SRC: variants seen among roughly 807,000 people sequenced by gnomAD.
The protein encoded by SRC is proto-oncogene tyrosine-protein kinase Src.
In SRC, 13 loss-of-function variants were observed where a neutral mutation model predicts 62.9. The ratio of observed to expected loss-of-function variants is 0.21; its 90% CI spans 0.13 to 0.33. The LOEUF is 0.33. Among genes scored for constraint, SRC ranks in the 10% least tolerant of loss-of-function variants. SRC has a pLI of 1.00. For missense variants in SRC, 457 were observed against 737.3 expected (o/e 0.62, Z 4.40); for synonymous variants, 302 against 317.5 (o/e 0.95, Z 0.52).
At chr20:37,392,871 C>T (rs1170448538) in intron 5 of SRC, among the ~76,000 whole-genome samples, 1 of 152,102 alleles carries the variant, frequency 6.6e-6, no homozygotes, top group Non-Finnish European at 1.5e-5. Flanking sequence ...CCGCTCTCTC[C>T]CCTGCTCTTT....
chr20:37,395,322 C>T (rs1007942316), intron 7 of SRC, among the ~76,000 whole-genome samples: 11 of 152,350 alleles, frequency 7.2e-5, no homozygotes, highest in South Asian at 6.2e-4. Flanking sequence ...GATGGCTGGG[C>T]TTCCCCCATG....
intron 2 of SRC, among the ~76,000 whole-genome samples, chr20:37,367,174 AC>A (rs2070076665): frequency 6.7e-6 from 1 of 150,196 alleles, no homozygotes; most frequent in Non-Finnish European, 1.5e-5. Context: ...TTGGGCTCTA[AC>A]AATCCTCTCA....
Position 37,389,846 on chromosome 20 carries a change from C to T in SRC, c.350+3672C>T, listed in dbSNP as rs371372677. The stretch of plus-strand genomic sequence containing the variant: ...AATCATGGCTCTGGGACTCTTGGCC[C>T]TTCTTCTAGCCATGGGTGGGAAGGC... On this transcript the variant is annotated intron_variant, in intron 5 of 13. Transcript: ENST00000373578. Among the ~76,000 whole-genome samples, 34 of 152,286 alleles carry T rather than the reference C, an allele frequency of 2.2e-4. 1 individual carries two copies. In the East Asian group the frequency reaches 4.8e-3, roughly 22 times the overall value.
intron 1 of SRC, among the ~76,000 whole-genome samples, chr20:37,352,685 C>A (rs1345596002): frequency 6.6e-6 from 1 of 152,200 alleles, no homozygotes; most frequent in Non-Finnish European, 1.5e-5. Context: ...TTTTGGGAGG[C>A]AGCTGAAGCT....
At position 37,402,721 on chromosome 20, in the gene SRC, G is replaced by A. The variant is rs1354066830; in HGVS notation, c.1271-28G>A. On this transcript the variant is annotated intron_variant, in intron 12 of 13. Coordinates refer to ENST00000373578, the MANE Select transcript of SRC (RefSeq NM_198291.3). This position sits in a 1 kb window ranked among gnomAD's most constrained non-coding sequence, Gnocchi z 6.2. ...AGAGCGGTCATGACAGGAGGTCAGAGCTGCCCTGACCTTTCTCGTTCCTGC... is the reference window on the plus strand; with the variant it reads ...AGAGCGGTCATGACAGGAGGTCAGAACTGCCCTGACCTTTCTCGTTCCTGC... The A allele has an allele frequency of 1.5e-5, 24 of 1,598,868 alleles. No individual in the cohort carries two copies. Among genetic ancestry groups the A allele is most frequent in the Non-Finnish European group, 1.9e-5 (22 of 1,171,666 alleles).
intron 2 of SRC, among the ~76,000 whole-genome samples, chr20:37,370,987 CTTCT>C (rs758512882): frequency 2.2e-5 from 2 of 91,300 alleles, no homozygotes; most frequent in East Asian, 5.8e-4. Context: ...TCTTCTTCTT[CTTCT>C]TTTTTTTTTT....
Position 37,402,707 on chromosome 20 carries a change from G to A in SRC, c.1271-42G>A. 6.3e-7 allele frequency: 1 copy of A among 1,588,278 alleles called. No homozygotes were observed. The highest frequency in any genetic ancestry group is 1.3e-5 in the African/African-American group (1 of 74,360). ...GGTGCTTATCTAGCAGAGCGGTCAT[G>A]ACAGGAGGTCAGAGCTGCCCTGACC... On this transcript the variant is annotated intron_variant, in intron 12 of 13. Coordinates refer to ENST00000373578, the MANE Select transcript of SRC (RefSeq NM_198291.3). This position sits in a 1 kb window ranked among gnomAD's most constrained non-coding sequence, Gnocchi z 6.2.
chr20:37,370,249 A>G (rs1467929373), intron 2 of SRC, among the ~76,000 whole-genome samples: 2 of 152,226 alleles, frequency 1.3e-5, no homozygotes, highest in African/African-American at 4.8e-5. Flanking sequence ...TTATATTGGT[A>G]TAGTGTATCA....
intron 5 of SRC, among the ~76,000 whole-genome samples, chr20:37,389,725 GC>G (rs1568637916): frequency 6.6e-6 from 1 of 152,210 alleles, no homozygotes. Context: ...ACCCTGGCTG[GC>G]CCCAAGGATT....
intron 1 of SRC, among the ~76,000 whole-genome samples, chr20:37,364,680 G>A (rs927817457): frequency 1.3e-5 from 2 of 152,112 alleles, no homozygotes; most frequent in South Asian, 2.1e-4. Context: ...CTGGCCCCTC[G>A]TTATCCTTGT....
rs59135392 is a variant in SRC at position 37,350,364 on chromosome 20, C to A, written c.-247+4109C>A. Among the ~76,000 whole-genome samples the A allele has an allele frequency of 7.3e-3, 1,105 of 152,358 alleles. 19 individuals carry two copies. Among genetic ancestry groups the A allele is most frequent in the African/African-American group, 0.025 (1,055 of 41,580 alleles). On this transcript the variant is annotated intron_variant, in intron 1 of 13. Coordinates refer to ENST00000373578, the MANE Select transcript of SRC (RefSeq NM_198291.3). ...GGGCCAGGCACCTGCTCAAGTCCTG[C>A]CTCCTCTGGCAGCTGATGCCCTGTC...
rs201695268 is a variant in SRC, at chr20:37,368,530, T to G, written c.-173+3253T>G. Among the ~76,000 whole-genome samples, 1,767 of 120,954 alleles carry G rather than the reference T, an allele frequency of 0.015. 93 individuals are homozygous for G. The East Asian group carries it at 0.23, about 16-fold the overall frequency. The allele number at this position is 120,954 out of a possible 152,430, so 79.4% of individuals were successfully genotyped here. A position where few individuals can be genotyped will look rare whatever the true frequency, so the allele number is the denominator to read the frequency against. ...ATGCCTATATTTTCTTTTTTTTTTT[T>G]TTTTTTTTTTTTTGTTTTTTTTTTT... On this transcript the variant is annotated intron_variant, in intron 2 of 13. Transcript: ENST00000373578.
intron 2 of SRC, among the ~76,000 whole-genome samples, chr20:37,371,170 TAGAGG>T (rs2070160657): frequency 1.3e-5 from 2 of 152,116 alleles, no homozygotes; most frequent in African/African-American, 4.8e-5. Context: ...TTATTTTTAG[TAGAGG>T]CAGGGTTTCA....
At chr20:37,349,329 G>A (rs751415359) in intron 1 of SRC, among the ~76,000 whole-genome samples, 1 of 152,146 alleles carries the variant, frequency 6.6e-6, no homozygotes. Context: ...GTGCAATGCT[G>A]GGTGGCTGGA....
At chr20:37,385,611 G>C (rs1393412516) in intron 4 of SRC, among the ~76,000 whole-genome samples, 2 of 152,172 alleles carry the variant, frequency 1.3e-5, no homozygotes, top group African/African-American at 4.8e-5. Context: ...AATCTTCCTG[G>C]ACACCAGGAG....
rs367543243 is a variant in SRC, at chr20:37,402,518, C to T, written c.1200C>T (p.Asn400=). Residue 400 remains asparagine (N), a synonymous_variant, in exon 12 of 14, where the codon AAC becomes AAT. Transcript: ENST00000373578. The surrounding 1 kb of genome is among the most constrained non-coding windows in gnomAD (Gnocchi z 6.2). ...LRAANILVGE[N]LVCKVADFGL... ...CAGCCAACATCCTGGTGGGAGAGAA[C>T]CTGGTGTGCAAAGTGGCGGACTTTG... The T allele has an allele frequency of 2.5e-6, 4 of 1,614,040 alleles. No homozygotes were observed. Among genetic ancestry groups the T allele is most frequent in the Non-Finnish European group, 3.4e-6 (4 of 1,180,006 alleles).
At position 37,369,800 on chromosome 20, in the gene SRC, T is replaced by C. The variant is rs1029618304; in HGVS notation, c.-173+4523T>C. 4.6e-5 allele frequency among the ~76,000 whole-genome samples: 7 copies of C among 152,172 alleles called. No homozygotes were observed. In the East Asian group the frequency reaches 1.4e-3, roughly 29 times the overall value. On this transcript the variant is annotated intron_variant, in intron 2 of 13. Transcript: ENST00000373578. Reference sequence around the variant, plus strand: ...TTTTTCTTTTTTCTTTTCTTTCTTTTCTTTTTCTTTTTTTTTAAGATGGGA... The same window carrying C: ...TTTTTCTTTTTTCTTTTCTTTCTTTCCTTTTTCTTTTTTTTTAAGATGGGA...
At chr20:37,368,831 G>A (rs554322553) in intron 2 of SRC, among the ~76,000 whole-genome samples, 1 of 152,160 alleles carries the variant, frequency 6.6e-6, no homozygotes, top group African/African-American at 2.4e-5. Flanking sequence ...GATTACAGGC[G>A]TGAGCCACCG....
chr20:37,373,369 CAT>C lies in SRC; in HGVS notation c.-173+8097_-173+8098del, dbSNP rs1236344950. Among the ~76,000 whole-genome samples the C allele has an allele frequency of 4.7e-5, 7 of 148,490 alleles. No individual in the cohort carries two copies. The East Asian group carries it at 5.8e-4, about 12-fold the overall frequency. ...ACATATGTACATATATACACATACA[CAT>C]ATATGTACATTATACACATATATGC... On this transcript the variant is annotated intron_variant, in intron 2 of 13. Transcript: ENST00000373578.
Sources: allele counts gnomAD v4.1 joint callset (sites outside exome capture counted in the v4.1 genomes callset), GRCh38; gene constraint gnomAD v4.1.1; non-coding constraint Gnocchi (gnomAD v3.1); transcripts MANE v1.5; gene names NCBI Gene and HGNC (gene_info 2026-07-23, HGNC 2026-07-21).